The following ZFP1 variants were observed in gnomAD, a reference collection of about 807,000 sequenced individuals.
ZFP1 encodes the protein ZFP1 zinc finger protein.
A neutral mutation model predicts 38.5 loss-of-function variants in ZFP1; 32 were observed. The observed-to-expected ratio is 0.83, with a 90% CI of 0.63 to 1.12. The LOEUF (loss-of-function observed/expected upper bound fraction) is 1.12, where lower values mean the gene tolerates loss of function less well. Ranked by LOEUF, ZFP1 falls within the 50% of genes most tolerant of loss-of-function variation. The pLI, the probability that ZFP1 is intolerant of heterozygous loss-of-function variation, is 0.00. For missense variants in ZFP1, 616 were observed against 480.8 expected (o/e 1.28, Z -2.63); for synonymous variants, 245 against 168.8 (o/e 1.45, Z -3.50).
chr16:75,142,677 C>A, the ZFP1 span, among the ~76,000 whole-genome samples: 1 of 151,966 alleles, frequency 6.6e-6, no homozygotes, highest in African/African-American at 2.4e-5. Context: ...GCAATTCTTG[C>A]TTCCCAAATA....
At position 75,152,974 on chromosome 16, in the gene ZFP1, G is replaced by T. The variant is rs763447005; in HGVS notation, c.15+8G>T. On this transcript the variant is annotated splice_region_variant and intron_variant, in intron 2 of 3. Coordinates refer to ENST00000570010, the MANE Select transcript of ZFP1 (RefSeq NM_153688.4). ...AAAATGAACAAATCCCAGGTGAGTT[G>T]TTTGTTTATTCCCCATTTTGCTTTT... is the stretch of plus-strand genomic sequence containing the variant. The T allele has an allele frequency of 3.1e-6, 5 of 1,613,344 alleles. No homozygotes were observed. In the African/African-American group the frequency reaches 6.7e-5, roughly 22 times the overall value.
the ZFP1 span, among the ~76,000 whole-genome samples, chr16:75,142,076 G>T: frequency 2.1e-4 from 31 of 145,718 alleles, no homozygotes; most frequent in East Asian, 6.1e-3. Flanking sequence ...AAAAAAAAGA[G>T]GCTGGGCGCG....
upstream of ZFP1, among the ~76,000 whole-genome samples, chr16:75,145,465 G>A (rs2036932695): frequency 6.6e-6 from 1 of 152,168 alleles, no homozygotes; most frequent in African/African-American, 2.4e-5. Context: ...ATGAGAACAG[G>A]CATTCCTGTT....
chr16:75,147,743 G>A (rs541545385), upstream of ZFP1, among the ~76,000 whole-genome samples: 3 of 152,222 alleles, frequency 2.0e-5, no homozygotes, highest in East Asian at 3.9e-4. Flanking sequence ...ACCTAAAACT[G>A]TTCTAAAGGA....
At chr16:75,155,162 G>T (rs555580972) in intron 2 of ZFP1, among the ~76,000 whole-genome samples, 1 of 152,106 alleles carries the variant, frequency 6.6e-6, no homozygotes, top group Non-Finnish European at 1.5e-5. Context: ...ACAGGGTCTC[G>T]CTCTGTCACC....
the ZFP1 span, among the ~76,000 whole-genome samples, chr16:75,122,974 A>T: frequency 3.9e-5 from 6 of 152,192 alleles, no homozygotes; most frequent in Admixed American, 3.9e-4. Flanking sequence ...AAATAAGTAA[A>T]TATTATAGGA....
the ZFP1 span, among the ~76,000 whole-genome samples, chr16:75,142,227 C>T: frequency 4.4e-4 from 66 of 150,246 alleles, no homozygotes; most frequent in Non-Finnish European, 7.8e-4. Context: ...ATTAGCTGGG[C>T]GTGGTGGTGC....
In ZFP1 at chr16:75,169,826, C is replaced by T; in HGVS notation, c.716C>T (p.Pro239Leu). The change falls in exon 4 of 4, where the codon CCT becomes CTT. Residue 239 changes from proline to leucine, a missense_variant. By Grantham distance (98) the Pro-to-Leu change is moderately conservative. Coordinates refer to ENST00000570010, the MANE Select transcript of ZFP1 (RefSeq NM_153688.4). ...KHQRIHTGEK[P>L]FECPECGKAF... ...CAGAGAATTCACACTGGGGAGAAAC[C>T]TTTCGAGTGTCCGGAATGTGGAAAA... is the stretch of plus-strand genomic sequence containing the variant. 2.5e-6 allele frequency: 4 copies of T among 1,614,096 alleles called. No individual in the cohort carries two copies. The highest frequency in any genetic ancestry group is 1.1e-5 in the South Asian group (1 of 91,072).
At chr16:75,130,085 C>T in the ZFP1 span, among the ~76,000 whole-genome samples, 2 of 152,146 alleles carry the variant, frequency 1.3e-5, no homozygotes, top group African/African-American at 2.4e-5. Context: ...CAACCTCCAC[C>T]TCCTGGGTTC....
chr16:75,149,068 G>A (rs2037044273), intron 1 of ZFP1: 2 of 152,226 alleles, frequency 1.3e-5, no homozygotes, highest in South Asian at 4.1e-4. Context: ...GTGGAGGAAG[G>A]ACTGGAGCCT....
At chr16:75,161,757 A>AATATATATATGTATATAT (rs1421384309) in intron 2 of ZFP1, among the ~76,000 whole-genome samples, 1 of 14,294 alleles carries the variant, frequency 7.0e-5, no homozygotes, top group African/African-American at 2.7e-4. Context: ...AGTTTTATGA[A>AATATATATATGTATATAT]ATATATATAT....
At chr16:75,165,412 TGA>T (rs1479197001) in intron 2 of ZFP1, among the ~76,000 whole-genome samples, 1 of 152,148 alleles carries the variant, frequency 6.6e-6, no homozygotes, top group African/African-American at 2.4e-5. Flanking sequence ...GGTTTTTTTC[TGA>T]GACAGAGTCT....
At chr16:75,146,773 T>TG (rs1478508707), upstream of ZFP1, among the ~76,000 whole-genome samples, 2 of 151,856 alleles carry the variant, frequency 1.3e-5, no homozygotes, top group Non-Finnish European at 2.9e-5. Context: ...ATGCCATCTC[T>TG]ACAAAAAATA....
chr16:75,120,300 G>A, the ZFP1 span, among the ~76,000 whole-genome samples: 1 of 152,124 alleles, frequency 6.6e-6, no homozygotes, highest in Non-Finnish European at 1.5e-5. Flanking sequence ...TACTTCGGCT[G>A]TATCTCCTTT....
upstream of ZFP1, among the ~76,000 whole-genome samples, chr16:75,147,802 T>C (rs2036973676): frequency 6.6e-6 from 1 of 152,150 alleles, no homozygotes; most frequent in African/African-American, 2.4e-5. Context: ...GGTCAAGGGG[T>C]ACAAAGTCTC....
At chr16:75,139,857 C>T in the ZFP1 span, among the ~76,000 whole-genome samples, 1 of 152,086 alleles carries the variant, frequency 6.6e-6, no homozygotes, top group South Asian at 2.1e-4. Context: ...AGAGTTCCAG[C>T]GATGGATAGT....
chr16:75,147,456 T>TG (rs1567517973), upstream of ZFP1, among the ~76,000 whole-genome samples: 1 of 150,624 alleles, frequency 6.6e-6, no homozygotes, highest in Non-Finnish European at 1.5e-5. Flanking sequence ...TTTTGTATTT[T>TG]TTTTTTTTTT....
chr16:75,170,596 A>G lies in ZFP1; in HGVS notation c.*262A>G. 2.6e-6 allele frequency: 1 copy of G among 378,252 alleles called. No homozygotes were observed. The highest frequency in any genetic ancestry group is 9.2e-5 in the South Asian group (1 of 10,858). The allele number at this position is 378,252 out of a possible 1,614,324, so 23.4% of individuals were successfully genotyped here. A position where few individuals can be genotyped will look rare whatever the true frequency, so the allele number is the denominator to read the frequency against. ...TACAATGAGCTTTTTAAAATCTTGA[A>G]TGAATTGAGTATTCTAGACAGCAGC... On this transcript the variant is annotated 3_prime_UTR_variant, in exon 4 of 4. Coordinates refer to ENST00000570010, the MANE Select transcript of ZFP1 (RefSeq NM_153688.4).
chr16:75,122,356 T>C, the ZFP1 span, among the ~76,000 whole-genome samples: 1 of 152,166 alleles, frequency 6.6e-6, no homozygotes, highest in East Asian at 1.9e-4. Flanking sequence ...TACAGAACAG[T>C]TGGCTCAGGA....
Sources: gnomAD v4.1 joint callset for allele counts (sites outside exome capture counted in the v4.1 genomes callset) on GRCh38, gnomAD v4.1.1 for gene constraint, MANE v1.5 for transcripts, NCBI Gene and HGNC (gene_info 2026-07-23, HGNC 2026-07-21) for gene names.